CDH13: variants seen among roughly 807,000 people sequenced by gnomAD.
The protein encoded by CDH13 is cadherin-13.
A neutral mutation model predicts 63.8 loss-of-function variants in CDH13; 24 were observed. The observed-to-expected ratio is 0.38, with a 90% CI of 0.27 to 0.53. The LOEUF is 0.53. Among genes scored for constraint, CDH13 ranks in the 20% least tolerant of loss-of-function variants. The probability of loss-of-function intolerance (pLI) is 0.85; values close to 1 mark genes in which losing one functional copy is unlikely to be tolerated. For synonymous variants in CDH13, 503 were observed against 355.3 expected (o/e 1.42, Z -4.67); for missense variants, 1,049 against 903.1 (o/e 1.16, Z -2.07).
chr16:82,748,627 T>C (rs2034282696), intron 1 of CDH13, among the ~76,000 whole-genome samples: 1 of 152,182 alleles, frequency 6.6e-6, no homozygotes, highest in Admixed American at 6.5e-5. Flanking sequence ...GAGAAAACTC[T>C]AAACTCTGTT....
intron 6 of CDH13, among the ~76,000 whole-genome samples, chr16:83,443,618 C>A (rs570620522): frequency 6.6e-6 from 1 of 150,476 alleles, no homozygotes; most frequent in Admixed American, 6.6e-5. Context: ...CACCTGTAAT[C>A]CCAGCACTTA....
Position 83,127,094 on chromosome 16 carries a change from G to A in CDH13, c.483+1593G>A, listed in dbSNP as rs532390491. Among the ~76,000 whole-genome samples, 20 of 152,290 alleles carry A rather than the reference G, an allele frequency of 1.3e-4. No individual in the cohort carries two copies. In the South Asian group the frequency reaches 3.7e-3, roughly 28 times the overall value. ...TATATCTGGTTGAACAGCATCTTTG[G>A]CAGAGGTGAGTCTACATTGCAAAGG... is the stretch of plus-strand genomic sequence containing the variant. On this transcript the variant is annotated intron_variant, in intron 4 of 13. Transcript: ENST00000567109.
intron 1 of CDH13, among the ~76,000 whole-genome samples, chr16:82,783,356 C>A (rs867130544): frequency 1.3e-5 from 2 of 152,182 alleles, no homozygotes; most frequent in Non-Finnish European, 2.9e-5. Context: ...AGGCTTTCTG[C>A]GATGATGGAA....
At chr16:83,409,756 T>C (rs896179398) in intron 6 of CDH13, among the ~76,000 whole-genome samples, 4 of 152,238 alleles carry the variant, frequency 2.6e-5, no homozygotes, top group African/African-American at 9.6e-5. Flanking sequence ...AAGTGGGATG[T>C]TGAGTGGTAC....
chr16:83,359,392 C>T (rs938018921), intron 6 of CDH13, among the ~76,000 whole-genome samples: 4 of 152,168 alleles, frequency 2.6e-5, no homozygotes, highest in East Asian at 3.9e-4. Context: ...CAAAATGCCA[C>T]GTGGGTCACA....
chr16:82,868,223 T>C (rs1460608498), intron 2 of CDH13, among the ~76,000 whole-genome samples: 1 of 152,212 alleles, frequency 6.6e-6, no homozygotes, highest in Admixed American at 6.5e-5. Flanking sequence ...CATTATGAAG[T>C]TGACGATACA....
At chr16:83,026,393 C>G (rs1400271023) in intron 2 of CDH13, among the ~76,000 whole-genome samples, 1 of 152,290 alleles carries the variant, frequency 6.6e-6, no homozygotes, top group Non-Finnish European at 1.5e-5. Context: ...GAGACTCAGT[C>G]TCTTCTCCTG....
At chr16:82,946,914 T>C (rs1475409287) in intron 2 of CDH13, among the ~76,000 whole-genome samples, 1 of 152,124 alleles carries the variant, frequency 6.6e-6, no homozygotes, top group East Asian at 1.9e-4. Context: ...TGCATATATA[T>C]TTATTAGAAA....
intron 3 of CDH13, among the ~76,000 whole-genome samples, chr16:83,110,933 G>A (rs1283060270): frequency 1.4e-5 from 2 of 145,166 alleles, no homozygotes; most frequent in African/African-American, 2.6e-5. Context: ...TGCCTGGTCC[G>A]TGGAAAATGG....
intron 6 of CDH13, among the ~76,000 whole-genome samples, chr16:83,474,706 G>C (rs1040896182): frequency 2.0e-5 from 3 of 152,176 alleles, no homozygotes; most frequent in Non-Finnish European, 4.4e-5. Flanking sequence ...CCAAAGCAAG[G>C]TCAAGAGCTG....
At chr16:83,116,897 G>T (rs543527065) in intron 3 of CDH13, among the ~76,000 whole-genome samples, 1 of 152,204 alleles carries the variant, frequency 6.6e-6, no homozygotes, top group Non-Finnish European at 1.5e-5. Context: ...AGGAGCCTGA[G>T]TGTTCACTGC....
At chr16:83,416,607 C>G (rs1440984717) in intron 6 of CDH13, among the ~76,000 whole-genome samples, 3 of 152,160 alleles carry the variant, frequency 2.0e-5, no homozygotes, top group Non-Finnish European at 2.9e-5. Context: ...CCAGAAGTAC[C>G]ACTTCAATCT....
intron 8 of CDH13, among the ~76,000 whole-genome samples, chr16:83,645,585 A>C (rs72795359): frequency 1.3e-5 from 2 of 151,388 alleles, no homozygotes; most frequent in Non-Finnish European, 2.9e-5. Flanking sequence ...GTACTCCATC[A>C]GAACACCCCC....
At chr16:83,148,295 A>G (rs1035928109) in intron 4 of CDH13, among the ~76,000 whole-genome samples, 4 of 152,216 alleles carry the variant, frequency 2.6e-5, no homozygotes, top group Admixed American at 6.5e-5. Context: ...GGCTGAGACA[A>G]CATGGGTGGT....
chr16:83,779,102 A>C (rs138580072), intron 11 of CDH13, among the ~76,000 whole-genome samples: 287 of 152,322 alleles, frequency 1.9e-3, no homozygotes, highest in African/African-American at 6.6e-3. Context: ...TTAAGCCTAA[A>C]GAACTTCAAT....
At position 83,796,885 on chromosome 16, in the gene CDH13, G is replaced by C. The variant is rs1228366934; in HGVS notation, c.*1855G>C. The C allele has an allele frequency of 6.6e-6, 1 of 152,208 alleles. No individual in the cohort carries two copies. Among genetic ancestry groups the C allele is most frequent in the Non-Finnish European group, 1.5e-5 (1 of 68,044 alleles). 9.4% of individuals were successfully genotyped at this position (152,208 alleles called of 1,614,324 possible). A position where few individuals can be genotyped will look rare whatever the true frequency, so the allele number is the denominator to read the frequency against. On this transcript the variant is annotated 3_prime_UTR_variant, in exon 14 of 14. Transcript: ENST00000567109. The stretch of plus-strand genomic sequence containing the variant: ...TCAGTTGATGACCACATTAAGCATA[G>C]TCATGGCCATCTGTCAACAGTCCCA...
intron 2 of CDH13, among the ~76,000 whole-genome samples, chr16:83,006,911 T>G (rs1913567240): frequency 7.9e-6 from 1 of 127,298 alleles, no homozygotes; most frequent in Non-Finnish European, 1.8e-5. Flanking sequence ...TTTTTTTGTT[T>G]GTTTGTTTGT....
At chr16:83,218,100 A>T (rs914337622) in intron 5 of CDH13, among the ~76,000 whole-genome samples, 2 of 152,230 alleles carry the variant, frequency 1.3e-5, no homozygotes, top group African/African-American at 4.8e-5. Context: ...AACAAAAATG[A>T]TAAAGAAAAA....
intron 5 of CDH13, among the ~76,000 whole-genome samples, chr16:83,276,334 G>T (rs2088987533): frequency 6.6e-6 from 1 of 152,208 alleles, no homozygotes; most frequent in African/African-American, 2.4e-5. Context: ...TAAGTTGAGG[G>T]TTTCCTCTTG....
Sources: allele counts gnomAD v4.1 joint callset (sites outside exome capture counted in the v4.1 genomes callset), GRCh38; gene constraint gnomAD v4.1.1; transcripts MANE v1.5; gene names NCBI Gene and HGNC (gene_info 2026-07-23, HGNC 2026-07-21).